RNF144A: variants seen among roughly 807,000 people sequenced by gnomAD.
The protein encoded by RNF144A is ring finger protein 144A, also known as E3 ubiquitin-protein ligase RNF144A.
Under a neutral mutation model 38.7 loss-of-function variants are expected in RNF144A, and 11 were observed. The observed-to-expected ratio is 0.28, with a 90% CI of 0.18 to 0.47. RNF144A has a LOEUF of 0.47. Ranked by LOEUF, RNF144A falls within the 20% of genes least tolerant of loss-of-function variation. RNF144A has a pLI of 0.99. For missense variants in RNF144A, 316 were observed against 377.2 expected, an observed-to-expected ratio of 0.84 and a Z score of 1.34; for synonymous variants, 149 against 143.9, an observed-to-expected ratio of 1.04 and a Z score of -0.25.
At chr2:6,994,852 G>C (rs1405439662) in intron 2 of RNF144A, among the ~76,000 whole-genome samples, 1 of 152,202 alleles carries the variant, frequency 6.6e-6, no homozygotes. Flanking sequence ...GAAGGCCTGC[G>C]CAGATTCCCA....
At chr2:6,937,261 A>T (rs1436894637) in intron 1 of RNF144A, among the ~76,000 whole-genome samples, 2 of 152,218 alleles carry the variant, frequency 1.3e-5, no homozygotes, top group Non-Finnish European at 2.9e-5. Context: ...ATGGCACTTC[A>T]TTAGCGCCCA....
chr2:7,024,140 A>AT (rs1167175217), intron 6 of RNF144A, among the ~76,000 whole-genome samples: 2 of 152,004 alleles, frequency 1.3e-5, no homozygotes, highest in Non-Finnish European at 2.9e-5. Flanking sequence ...TGTTGCTGTA[A>AT]TTTTTTAAAA....
chr2:7,014,321 T>A (rs1002240250), intron 3 of RNF144A, 133 bp from the exon 4 acceptor site: 1 of 683,598 alleles, frequency 1.5e-6, no homozygotes, highest in Non-Finnish European at 2.6e-6. Flanking sequence ...ATGTGTTGGT[T>A]GCTGTGGACT....
At chr2:7,026,842 A>G (rs901184360) in intron 7 of RNF144A, among the ~76,000 whole-genome samples, 4 of 152,148 alleles carry the variant, frequency 2.6e-5, no homozygotes, top group Non-Finnish European at 5.9e-5. Flanking sequence ...GCCCCTTGCT[A>G]ATGGAGAGGA....
intron 7 of RNF144A, among the ~76,000 whole-genome samples, chr2:7,027,182 C>T (rs410210): frequency 0.27 from 40,483 of 152,084 alleles, 6,513 homozygotes; most frequent in Admixed American, 0.35. Flanking sequence ...TCCTCCCCAT[C>T]GTGGTCCTTA....
downstream of RNF144A, among the ~76,000 whole-genome samples, chr2:7,068,648 G>A (rs1369390220): frequency 6.6e-6 from 1 of 152,192 alleles, no homozygotes; most frequent in East Asian, 1.9e-4. Flanking sequence ...AAGGGCTGGG[G>A]GTTTTGCTGA....
chr2:7,031,886 G>A (rs1003322396), intron 8 of RNF144A, among the ~76,000 whole-genome samples: 1 of 152,252 alleles, frequency 6.6e-6, no homozygotes, highest in African/African-American at 2.4e-5. Flanking sequence ...AGCTGCCAAC[G>A]GTACGTCAGT....
At chr2:7,033,077 C>G (rs1672432955) in intron 8 of RNF144A, among the ~76,000 whole-genome samples, 1 of 152,274 alleles carries the variant, frequency 6.6e-6, no homozygotes, top group African/African-American at 2.4e-5. Context: ...CTGGCAGTTT[C>G]CCTGTAGAGA....
At chr2:6,932,815 AG>A (rs1294451738) in intron 1 of RNF144A, among the ~76,000 whole-genome samples, 3 of 152,256 alleles carry the variant, frequency 2.0e-5, no homozygotes, top group African/African-American at 7.2e-5. Flanking sequence ...TGAACCAACA[AG>A]TTTGTTCCAT....
chr2:6,922,610 G>T (rs918687567), intron 1 of RNF144A, among the ~76,000 whole-genome samples: 2 of 151,652 alleles, frequency 1.3e-5, no homozygotes, highest in Non-Finnish European at 2.9e-5. Flanking sequence ...GGACCCGCCC[G>T]GTTTTTCTTG....
At chr2:7,028,505 C>T (rs763469327) in intron 7 of RNF144A, among the ~76,000 whole-genome samples, 4 of 152,078 alleles carry the variant, frequency 2.6e-5, no homozygotes, top group African/African-American at 4.8e-5. Flanking sequence ...CATGTCTGCT[C>T]GCAGAGGTCA....
intron 5 of RNF144A, 38 bp downstream of exon 5, chr2:7,014,810 A>G (rs2103419843): frequency 7.2e-7 from 1 of 1,386,994 alleles, no homozygotes; most frequent in Non-Finnish European, 1.0e-6. Context: ...TGATTCCTGT[A>G]ATGTGTGAAT....
chr2:6,944,903 T>C lies in RNF144A; in HGVS notation c.-12+3756T>C, dbSNP rs1228631064. On this transcript the variant is annotated intron_variant, in intron 2 of 8. Coordinates refer to ENST00000320892, the MANE Select transcript of RNF144A (RefSeq NM_014746.6). The surrounding 1 kb of genome is among the most constrained non-coding windows in gnomAD (Gnocchi z 4.7). ...CACGAGCAAAGATTTTTTAAATGTTTAGAATTTATAAAGAGAGGTGGTTTT... is the reference window on the plus strand; with the variant it reads ...CACGAGCAAAGATTTTTTAAATGTTCAGAATTTATAAAGAGAGGTGGTTTT... Among the ~76,000 whole-genome samples the C allele has an allele frequency of 1.3e-5, 2 of 152,224 alleles. No individual in the cohort carries two copies. The highest frequency in any genetic ancestry group is 2.9e-5 in the Non-Finnish European group (2 of 68,020).
Position 7,014,763 on chromosome 2 carries a change from T to A in RNF144A, c.292T>A (p.Phe98Ile), listed in dbSNP as rs746985753. 1 of 1,611,482 alleles carries A rather than the reference T, an allele frequency of 6.2e-7. No individual in the cohort carries two copies. ...EIMQRYKKLQFEREVLFDPCR... is the reference protein window; with the variant it reads ...EIMQRYKKLQIEREVLFDPCR... Reference sequence around the variant, plus strand: ...TATGCAAAGATATAAAAAGCTACAATTTGAAAGAGGTAGGTGCCTGGTATA... The same window carrying A: ...TATGCAAAGATATAAAAAGCTACAAATTGAAAGAGGTAGGTGCCTGGTATA... Residue 98 changes from phenylalanine to isoleucine, a missense_variant, in exon 5 of 9, where the codon TTT becomes ATT. Coordinates refer to ENST00000320892, the MANE Select transcript of RNF144A (RefSeq NM_014746.6).
intron 6 of RNF144A, chr2:7,068,126 C>T (rs879329197): frequency 9.6e-6 from 6 of 627,774 alleles, no homozygotes; most frequent in Middle Eastern, 3.0e-4. Flanking sequence ...TTGCAGTGGT[C>T]CCTCTATTGT....
At chr2:7,033,399 C>G (rs888523649) in intron 8 of RNF144A, among the ~76,000 whole-genome samples, 1 of 152,238 alleles carries the variant, frequency 6.6e-6, no homozygotes, top group Middle Eastern at 3.2e-3. Flanking sequence ...CTGGAGCTGC[C>G]AAAGGCCCAC....
chr2:7,023,955 A>G (rs1283377493), intron 6 of RNF144A, among the ~76,000 whole-genome samples: 1 of 152,204 alleles, frequency 6.6e-6, no homozygotes, highest in East Asian at 1.9e-4. Flanking sequence ...TATTTTTCTT[A>G]TAACAGCAAA....
intron 1 of RNF144A, among the ~76,000 whole-genome samples, chr2:6,939,241 C>T (rs1665809820): frequency 1.3e-5 from 2 of 152,196 alleles, no homozygotes; most frequent in African/African-American, 2.4e-5. Flanking sequence ...TTCTTGTCTA[C>T]ACTTGTTATT....
At chr2:7,030,723 G>T (rs1181089827) in intron 8 of RNF144A, among the ~76,000 whole-genome samples, 1 of 152,098 alleles carries the variant, frequency 6.6e-6, no homozygotes, top group East Asian at 1.9e-4. Context: ...CTGGGCAGGG[G>T]GATGGATTTG....
Sources: gnomAD v4.1 joint callset for allele counts (sites outside exome capture counted in the v4.1 genomes callset) on GRCh38, gnomAD v4.1.1 for gene constraint, Gnocchi (gnomAD v3.1) non-coding constraint, MANE v1.5 for transcripts, NCBI Gene and HGNC (gene_info 2026-07-23, HGNC 2026-07-21) for gene names.